Variants in VSTM4 observed in about 807,000 individuals in gnomAD.
VSTM4 encodes the protein V-set and transmembrane domain containing 4.
A neutral mutation model predicts 36.4 loss-of-function variants in VSTM4; 20 were observed. That is an observed-to-expected ratio of 0.55 (90% CI 0.39 to 0.80). The LOEUF (loss-of-function observed/expected upper bound fraction) is 0.80, where lower values mean the gene tolerates loss of function less well. Ranked by LOEUF, VSTM4 falls within the 30% of genes least tolerant of loss-of-function variation. The pLI, the probability that VSTM4 is intolerant of heterozygous loss-of-function variation, is 0.00. For missense variants in VSTM4, 392 were observed against 404.5 expected, an observed-to-expected ratio of 0.97 and a Z score of 0.26; for synonymous variants, 182 against 173.9, an observed-to-expected ratio of 1.05 and a Z score of -0.37.
chr10:49,054,077 A>T (rs556625976), intron 5 of VSTM4, among the ~76,000 whole-genome samples: 28 of 152,308 alleles, frequency 1.8e-4, no homozygotes, highest in Non-Finnish European at 3.5e-4. Context: ...TGTTGCAAAA[A>T]TGGGGCCTCA....
chr10:49,097,684 G>A (rs999846530), intron 2 of VSTM4, among the ~76,000 whole-genome samples: 1 of 152,156 alleles, frequency 6.6e-6, no homozygotes, highest in South Asian at 2.1e-4. Context: ...TTTTCTTCAG[G>A]AAGTATCATT....
Position 49,077,338 on chromosome 10 carries a change from GGACA to G in VSTM4, c.527-16_527-13del. ...ATACACATAGAGATCTGAAAGGCAA[GGACA>G]GACACGTGAGTCAGCCTTCTGGGGG... is the stretch of plus-strand genomic sequence containing the variant. On this transcript the variant is annotated splice_polypyrimidine_tract_variant and intron_variant, in intron 3 of 7. Transcript: ENST00000332853. The G allele has an allele frequency of 6.2e-7, 1 of 1,613,802 alleles. No individual in the cohort carries two copies. Among genetic ancestry groups the G allele is most frequent in the African/African-American group, 1.3e-5 (1 of 75,046 alleles).
chr10:49,083,502 C>T (rs1247573230), intron 3 of VSTM4, among the ~76,000 whole-genome samples: 1 of 152,168 alleles, frequency 6.6e-6, no homozygotes, highest in Non-Finnish European at 1.5e-5. Flanking sequence ...AAGCAAAGCA[C>T]GGAGACGCTG....
At chr10:49,059,368 T>C (rs1028673008) in intron 5 of VSTM4, among the ~76,000 whole-genome samples, 23 of 152,308 alleles carry the variant, frequency 1.5e-4, no homozygotes, top group African/African-American at 5.5e-4. Flanking sequence ...AGGCAGCCTT[T>C]CAACAAGATT....
intron 2 of VSTM4, among the ~76,000 whole-genome samples, chr10:49,088,912 C>T (rs940858225): frequency 9.9e-5 from 15 of 152,236 alleles, no homozygotes; most frequent in South Asian, 2.1e-4. Flanking sequence ...ATGTGGTCCA[C>T]GGGCCAGCAA....
intron 1 of VSTM4, among the ~76,000 whole-genome samples, chr10:49,110,899 C>A (rs1564600690): frequency 6.6e-6 from 1 of 152,218 alleles, no homozygotes; most frequent in African/African-American, 2.4e-5. Context: ...CTAATCCAGC[C>A]CTGTTCACAG....
chr10:49,026,083 G>A (rs1262261932), intron 7 of VSTM4, among the ~76,000 whole-genome samples: 1 of 152,164 alleles, frequency 6.6e-6, no homozygotes, highest in Admixed American at 6.5e-5. Flanking sequence ...CTAGGTCTGC[G>A]TGCTCGGACT....
intron 3 of VSTM4, 107 bp downstream of exon 3, chr10:49,085,848 C>T (rs1445732622): frequency 4.7e-6 from 3 of 642,400 alleles, no homozygotes; most frequent in East Asian, 3.0e-5. Flanking sequence ...ATGTAACAAA[C>T]CTGCACGTTG....
chr10:49,055,418 C>T (rs1029443385), intron 5 of VSTM4, among the ~76,000 whole-genome samples: 1 of 152,224 alleles, frequency 6.6e-6, no homozygotes, highest in Non-Finnish European at 1.5e-5. Flanking sequence ...ACACTCGCCA[C>T]CCCATAACCC....
intron 4 of VSTM4, among the ~76,000 whole-genome samples, chr10:49,068,271 C>T (rs1017132888): frequency 1.3e-5 from 2 of 152,028 alleles, no homozygotes; most frequent in African/African-American, 4.8e-5. Context: ...AGAGATGGTA[C>T]TGGGACCCAA....
intron 5 of VSTM4, among the ~76,000 whole-genome samples, chr10:49,049,231 T>C (rs552235294): frequency 6.6e-6 from 1 of 152,312 alleles, no homozygotes; most frequent in South Asian, 2.1e-4. Flanking sequence ...CCTGTGTAAT[T>C]ACTGCAGTAT....
intron 2 of VSTM4, among the ~76,000 whole-genome samples, chr10:49,104,917 G>T (rs1844740002): frequency 7.1e-6 from 1 of 141,792 alleles, no homozygotes; most frequent in African/African-American, 2.7e-5. Context: ...AGAGAGAGAA[G>T]GAAAGACAGA....
intron 7 of VSTM4, among the ~76,000 whole-genome samples, chr10:49,043,056 T>G (rs2943254): frequency 6.6e-6 from 1 of 151,598 alleles, no homozygotes; most frequent in Non-Finnish European, 1.5e-5. Flanking sequence ...TGAAGGGAAA[T>G]GAGAGAGAGG....
chr10:49,102,379 C>A (rs1053092985), intron 2 of VSTM4: 1 of 982,188 alleles, frequency 1.0e-6, no homozygotes, highest in Non-Finnish European at 1.2e-6. Flanking sequence ...CGTGATCCAC[C>A]CACCTCGGCC....
In VSTM4 at chr10:49,035,425, A is replaced by G. The variant is rs559073303; in HGVS notation, c.837+11558T>C. Among the ~76,000 whole-genome samples the G allele has an allele frequency of 4.3e-4, 66 of 152,284 alleles. 1 individual carries two copies. Among genetic ancestry groups the G allele is most frequent in the Middle Eastern group, 6.8e-3 (2 of 294 alleles). Reference sequence around the variant, plus strand: ...GTTCCTTCTCAAAGCACAAAGCCACATTACCCTTCTAGAACAAAGTGGGGA... The same window carrying G: ...GTTCCTTCTCAAAGCACAAAGCCACGTTACCCTTCTAGAACAAAGTGGGGA... On this transcript the variant is annotated intron_variant, in intron 7 of 7. Coordinates refer to ENST00000332853, the MANE Select transcript of VSTM4 (RefSeq NM_001031746.5).
At chr10:49,058,310 T>C (rs990483703) in intron 5 of VSTM4, among the ~76,000 whole-genome samples, 2 of 152,234 alleles carry the variant, frequency 1.3e-5, no homozygotes, top group African/African-American at 4.8e-5. Context: ...TTCCTTGCCC[T>C]GCAGGAAAGA....
At position 49,101,273 on chromosome 10, in the gene VSTM4, G is replaced by A. The variant is rs911687015; in HGVS notation, c.457+6321C>T. Among the ~76,000 whole-genome samples, 5 of 151,806 alleles carry A rather than the reference G, an allele frequency of 3.3e-5. No individual in the cohort carries two copies. In the East Asian group the frequency reaches 7.7e-4, roughly 23 times the overall value. ...ATCCAGAAATGTGAAATATCTATAC[G>A]GTAAAAGAAAATATAAACAACGTGG... On this transcript the variant is annotated intron_variant, in intron 2 of 7. Coordinates refer to ENST00000332853, the MANE Select transcript of VSTM4 (RefSeq NM_001031746.5).
At chr10:49,046,891 T>C in intron 7 of VSTM4, 92 bp downstream of exon 7, 1 of 1,271,314 alleles carries the variant, frequency 7.9e-7, no homozygotes, top group Non-Finnish European at 1.1e-6. Context: ...TAAAACTTTC[T>C]GTATGTTTTG....
intron 7 of VSTM4, among the ~76,000 whole-genome samples, chr10:49,044,522 GAAAGA>G (rs925486566): frequency 7.3e-6 from 1 of 137,344 alleles, no homozygotes; most frequent in Non-Finnish European, 1.6e-5. Flanking sequence ...GAAAAAGAAA[GAAAGA>G]AAAAGAAAGA....
Sources: allele counts gnomAD v4.1 joint callset (sites outside exome capture counted in the v4.1 genomes callset), GRCh38; gene constraint gnomAD v4.1.1; transcripts MANE v1.5; gene names NCBI Gene and HGNC (gene_info 2026-07-23, HGNC 2026-07-21).